HIRA: variants seen among roughly 807,000 people sequenced by gnomAD.
The protein encoded by HIRA is protein HIRA.
In HIRA, 13 loss-of-function variants were observed where a neutral mutation model predicts 126.6. That is an observed-to-expected ratio of 0.10 (90% CI 0.07 to 0.16). The LOEUF (loss-of-function observed/expected upper bound fraction) is 0.16, where lower values mean the gene tolerates loss of function less well. HIRA is among the 10% of genes least tolerant of loss of function. HIRA has a pLI of 1.00. For synonymous variants in HIRA, 511 were observed against 520.0 expected (o/e 0.98, Z 0.24); for missense variants, 834 against 1,314.4 (o/e 0.63, Z 5.65).
intron 6 of HIRA, among the ~76,000 whole-genome samples, chr22:19,397,620 G>C (rs1176591175): frequency 6.6e-6 from 1 of 152,118 alleles, no homozygotes; most frequent in Non-Finnish European, 1.5e-5. Flanking sequence ...TGCAAAACTG[G>C]GTTTGTGTTA....
intron 1 of HIRA, among the ~76,000 whole-genome samples, chr22:19,415,217 T>A (rs942892404): frequency 1.3e-5 from 2 of 152,134 alleles, no homozygotes; most frequent in African/African-American, 4.8e-5. Context: ...TTAGTGCTAA[T>A]AATGAATTCA....
chr22:19,385,688 C>G lies in HIRA; in HGVS notation c.1162G>C (p.Glu388Gln). ...ATGACGGCTGTGGAGAGCTGGGCCT[C>G]GGTCATGATGGCTAGGCTCTTGCCA... Reference protein sequence around the residue: ...TYGKSLAIMTEAQLSTAVIEN... With the variant: ...TYGKSLAIMTQAQLSTAVIEN... The change falls in exon 12 of 25, where the codon GAG (glutamate) becomes CAG (glutamine). Residue 388 changes from glutamate (E) to glutamine (Q), a missense_variant. Physicochemically the swap from Glu to Gln is conservative, Grantham distance 29. Around this residue, in one of 5 missense-constraint regions of HIRA, gnomAD observed 153 missense variants for 270.6 expected, o/e 0.57. Coordinates refer to ENST00000263208, the MANE Select transcript of HIRA (RefSeq NM_003325.4). 2 of 1,614,130 alleles carry G rather than the reference C, an allele frequency of 1.2e-6. No homozygotes were observed. Among genetic ancestry groups the G allele is most frequent in the Non-Finnish European group, 1.7e-6 (2 of 1,180,008 alleles).
intron 24 of HIRA, among the ~76,000 whole-genome samples, chr22:19,342,745 T>C (rs1246508101): frequency 6.6e-6 from 1 of 152,214 alleles, no homozygotes; most frequent in African/African-American, 2.4e-5. Context: ...ATCCCACTAC[T>C]GTGTATCTAC....
intron 24 of HIRA, among the ~76,000 whole-genome samples, chr22:19,343,965 G>C (rs1466497283): frequency 2.0e-5 from 3 of 150,688 alleles, no homozygotes; most frequent in African/African-American, 7.3e-5. Context: ...TCCCACCTCA[G>C]CTTCCCAAAG....
intron 5 of HIRA, 130 bp from the exon 6 acceptor site, chr22:19,398,217 CT>C (rs2089238975): frequency 3.1e-6 from 2 of 653,698 alleles, no homozygotes; most frequent in South Asian, 4.0e-5. Flanking sequence ...CCTGAAAAAA[CT>C]CCCCCCAGAA....
At chr22:19,397,396 C>T (rs943662381) in intron 6 of HIRA, among the ~76,000 whole-genome samples, 2 of 152,234 alleles carry the variant, frequency 1.3e-5, no homozygotes, top group African/African-American at 4.8e-5. Flanking sequence ...CTACTCCGGT[C>T]TCTAAAGCTT....
intron 1 of HIRA, among the ~76,000 whole-genome samples, chr22:19,426,003 G>A (rs1020581649): frequency 1.3e-5 from 2 of 152,094 alleles, no homozygotes; most frequent in African/African-American, 2.4e-5. Flanking sequence ...GTAACAGAGC[G>A]AGACTCTGTC....
At chr22:19,358,238 C>A (rs1184880782) in intron 18 of HIRA, among the ~76,000 whole-genome samples, 1 of 152,214 alleles carries the variant, frequency 6.6e-6, no homozygotes, top group African/African-American at 2.4e-5. Flanking sequence ...ATTCTATCTG[C>A]CCATCTCTGG....
At chr22:19,362,801 C>A (rs1191292433) in intron 15 of HIRA, among the ~76,000 whole-genome samples, 2 of 151,460 alleles carry the variant, frequency 1.3e-5, no homozygotes, top group Non-Finnish European at 1.5e-5. Flanking sequence ...CCTCAGGTGA[C>A]CTACCCGCCT....
At chr22:19,374,961 G>A (rs2089004027) in intron 15 of HIRA, among the ~76,000 whole-genome samples, 1 of 152,240 alleles carries the variant, frequency 6.6e-6, no homozygotes, top group Admixed American at 6.5e-5. Context: ...GTCAAGCTAG[G>A]CTTGGAGGGA....
chr22:19,405,390 C>G (rs773889415), intron 5 of HIRA: 66 of 585,676 alleles, frequency 1.1e-4, no homozygotes, highest in Middle Eastern at 8.6e-4. Context: ...CAAACATACT[C>G]AAGGTCAAGT....
At chr22:19,353,244 T>G in intron 23 of HIRA, 112 bp downstream of exon 23, 1 of 1,309,898 alleles carries the variant, frequency 7.6e-7, no homozygotes, top group South Asian at 1.3e-5. Flanking sequence ...GGCTGGGAGG[T>G]AGAGGCTGCT....
intron 9 of HIRA, 51 bp from the exon 10 acceptor site, chr22:19,388,605 T>A (rs889343977): frequency 6.9e-7 from 1 of 1,450,418 alleles, no homozygotes; most frequent in East Asian, 2.3e-5. Flanking sequence ...AATCCCCTTC[T>A]GTATTCAGCT....
chr22:19,427,852 A>T (rs1247108108), intron 1 of HIRA, among the ~76,000 whole-genome samples: 2 of 152,204 alleles, frequency 1.3e-5, no homozygotes, highest in East Asian at 3.8e-4. Context: ...ATTTCTACAA[A>T]CTTTAAAACC....
At chr22:19,354,853 G>A (rs928221033) in intron 21 of HIRA, among the ~76,000 whole-genome samples, 16 of 151,868 alleles carry the variant, frequency 1.1e-4, no homozygotes, top group African/African-American at 2.7e-4. Flanking sequence ...CTGCAGCCTC[G>A]ACCTCCTGGG....
At chr22:19,429,139 T>TG (rs1200926282) in intron 1 of HIRA, among the ~76,000 whole-genome samples, 7 of 135,898 alleles carry the variant, frequency 5.2e-5, no homozygotes, top group Non-Finnish European at 8.0e-5. Context: ...ATATCTTTTT[T>TG]TTTTTTTTTT....
chr22:19,385,746 C>G lies in HIRA; in HGVS notation c.1114-10G>C. 1 of 1,609,852 alleles carries G rather than the reference C, an allele frequency of 6.2e-7. No homozygotes were observed. Among genetic ancestry groups the G allele is most frequent in the Non-Finnish European group, 8.5e-7 (1 of 1,178,052 alleles). On this transcript the variant is annotated splice_polypyrimidine_tract_variant and intron_variant, in intron 11 of 24. Coordinates refer to ENST00000263208, the MANE Select transcript of HIRA (RefSeq NM_003325.4). ...ACTGGTGAATGCGGCTCTGGGGAAGCAAGGAGAGGCATGACATGCCAGCAT... is the reference window on the plus strand; with the variant it reads ...ACTGGTGAATGCGGCTCTGGGGAAGGAAGGAGAGGCATGACATGCCAGCAT...
chr22:19,405,988 A>G, intron 4 of HIRA, 108 bp from the exon 5 acceptor site: 1 of 594,632 alleles, frequency 1.7e-6, no homozygotes, highest in South Asian at 6.1e-5. Flanking sequence ...GCAAAAACAA[A>G]CAAGAACTGG....
At chr22:19,349,034 T>C (rs2088724249) in intron 24 of HIRA, among the ~76,000 whole-genome samples, 1 of 152,112 alleles carries the variant, frequency 6.6e-6, no homozygotes, top group South Asian at 2.1e-4. Flanking sequence ...TCCGCCCATC[T>C]TGGCCTCCCA....
Sources: allele counts gnomAD v4.1 joint callset (sites outside exome capture counted in the v4.1 genomes callset), GRCh38; gene constraint gnomAD v4.1.1; regional missense constraint gnomAD v4.1.1; transcripts MANE v1.5; gene names NCBI Gene and HGNC (gene_info 2026-07-23, HGNC 2026-07-21).